The following COL21A1 variants were observed in gnomAD, a reference collection of about 807,000 sequenced individuals.
The protein encoded by COL21A1 is collagen alpha-1(XXI) chain.
Under a neutral mutation model 137.9 loss-of-function variants are expected in COL21A1, and 149 were observed. That is an observed-to-expected ratio of 1.08 (90% CI 0.95 to 1.24). COL21A1 has a LOEUF of 1.24. COL21A1 is among the 50% of genes most tolerant of loss of function. The pLI, the probability that COL21A1 is intolerant of heterozygous loss-of-function variation, is 0.00. For missense variants in COL21A1, 1,167 were observed against 1,158.4 expected, an observed-to-expected ratio of 1.01 and a Z score of -0.11; for synonymous variants, 456 against 391.5, an observed-to-expected ratio of 1.16 and a Z score of -1.95.
intron 1 of COL21A1, among the ~76,000 whole-genome samples, chr6:56,378,718 G>A (rs896886781): frequency 1.3e-5 from 2 of 152,180 alleles, no homozygotes; most frequent in African/African-American, 4.8e-5. Flanking sequence ...GAGCCCCAGG[G>A]CCTTAAGCGA....
rs142803745 is a variant in COL21A1 at position 56,109,268 on chromosome 6, A to G, written c.1759-7743T>C. ...ATTACAATGTTGGATCTTTGAAAAA[A>G]TCCAACACAGGAGGGAAACCAGAAA... On this transcript the variant is annotated intron_variant, in intron 16 of 29. Transcript: ENST00000244728. Among the ~76,000 whole-genome samples the G allele has an allele frequency of 6.2e-3, 944 of 151,950 alleles. 6 individuals are homozygous for G. Among genetic ancestry groups the G allele is most frequent in the Admixed American group, 0.012 (179 of 15,284 alleles).
At chr6:56,181,323 T>A (rs1369140342) in intron 2 of COL21A1, among the ~76,000 whole-genome samples, 5 of 152,164 alleles carry the variant, frequency 3.3e-5, no homozygotes, top group African/African-American at 1.2e-4. Flanking sequence ...AATGCAATTT[T>A]TCTGTTATTT....
chr6:56,220,638 CGA>C (rs1433857400), intron 1 of COL21A1, among the ~76,000 whole-genome samples: 5 of 151,994 alleles, frequency 3.3e-5, no homozygotes, highest in African/African-American at 1.2e-4. Context: ...TGAACTTATC[CGA>C]GAAGAGGAAA....
intron 1 of COL21A1, among the ~76,000 whole-genome samples, chr6:56,353,616 T>C (rs1765766056): frequency 6.6e-6 from 1 of 152,236 alleles, no homozygotes; most frequent in Non-Finnish European, 1.5e-5. Context: ...GAGTGGTTTA[T>C]TATGAATCAA....
intron 1 of COL21A1, among the ~76,000 whole-genome samples, chr6:56,288,256 A>G (rs1277585629): frequency 2.1e-4 from 8 of 38,800 alleles, no homozygotes; most frequent in Non-Finnish European, 4.2e-4. Flanking sequence ...AAATAAAAGA[A>G]AAAAAAAAGG....
rs191505413 is a variant in COL21A1 at position 56,270,710 on chromosome 6, A to C, written c.-38-88054T>G. 2.6e-4 allele frequency among the ~76,000 whole-genome samples: 39 copies of C among 152,256 alleles called. No individual in the cohort carries two copies. In the East Asian group the frequency reaches 5.0e-3, roughly 20 times the overall value. On this transcript the variant is annotated intron_variant, in intron 1 of 28. Transcript: ENST00000370819. ...ACATCTGGTAGGAGGTGACTGAAAC[A>C]TAGGGGTGGTTTCTCCAATGCTGTT...
chr6:56,124,313 TA>T, intron 14 of COL21A1, 21 bp from the exon 15 acceptor site: 1 of 1,583,778 alleles, frequency 6.3e-7, no homozygotes, highest in South Asian at 1.2e-5. Context: ...AACAAACACT[TA>T]AAACACAATC....
At chr6:56,137,672 C>T (rs577726350) in intron 12 of COL21A1, among the ~76,000 whole-genome samples, 1 of 152,022 alleles carries the variant, frequency 6.6e-6, no homozygotes. Flanking sequence ...TTAGAACCAA[C>T]AAAATATAAA....
chr6:56,278,996 T>G (rs1763733788), intron 1 of COL21A1, among the ~76,000 whole-genome samples: 1 of 152,226 alleles, frequency 6.6e-6, no homozygotes, highest in African/African-American at 2.4e-5. Context: ...TTTGGATCTG[T>G]GTCCCCACCC....
At chr6:56,192,435 T>G (rs1422163396) in intron 1 of COL21A1, among the ~76,000 whole-genome samples, 5 of 151,332 alleles carry the variant, frequency 3.3e-5, no homozygotes, top group African/African-American at 4.8e-5. Flanking sequence ...TATCCATCTA[T>G]CCAACTGACA....
At chr6:56,095,066 T>G (rs567258400) in intron 17 of COL21A1, among the ~76,000 whole-genome samples, 1 of 152,324 alleles carries the variant, frequency 6.6e-6, no homozygotes, top group Non-Finnish European at 1.5e-5. Flanking sequence ...CAGAAATTCA[T>G]CTAAAATTTC....
intron 1 of COL21A1, among the ~76,000 whole-genome samples, chr6:56,342,814 T>C (rs1000688949): frequency 3.3e-5 from 5 of 152,198 alleles, no homozygotes; most frequent in African/African-American, 4.8e-5. Flanking sequence ...TCTTCTTTCT[T>C]CCATGCTCAT....
intron 14 of COL21A1, among the ~76,000 whole-genome samples, chr6:56,125,162 A>T (rs981018027): frequency 1.3e-5 from 2 of 151,476 alleles, no homozygotes; most frequent in African/African-American, 4.9e-5. Flanking sequence ...CTGGGACTAC[A>T]GGCTCACACC....
At position 56,061,662 on chromosome 6, in the gene COL21A1, C is replaced by T. The variant is rs1447839343; in HGVS notation, c.2192G>A (p.Gly731Asp). The T allele has an allele frequency of 3.1e-6, 5 of 1,587,446 alleles. No individual in the cohort carries two copies. Among genetic ancestry groups the T allele is most frequent in the African/African-American group, 1.3e-5 (1 of 74,212 alleles). Residue 731 changes from glycine to aspartate, a missense_variant, in exon 25 of 30, where the codon GGT becomes GAT. Coordinates refer to ENST00000244728, the MANE Select transcript of COL21A1 (RefSeq NM_030820.4). ...GAAGAAACATACCTCTCCTTTTGCACCATGATGGCCTTGAATTCCCTTTGA... is the reference window on the plus strand; with the variant it reads ...GAAGAAACATACCTCTCCTTTTGCATCATGATGGCCTTGAATTCCCTTTGA... ...PGQQGIQGHH[G>D]AKGERGEKGE... is the part of the protein sequence containing the mutation.
intron 9 of COL21A1, among the ~76,000 whole-genome samples, chr6:56,158,540 G>A (rs900772512): frequency 6.6e-6 from 1 of 151,716 alleles, no homozygotes; most frequent in East Asian, 1.9e-4. Flanking sequence ...CCAAAGTGGT[G>A]GTATTACAGT....
chr6:56,113,561 G>A (rs909979568), intron 16 of COL21A1, among the ~76,000 whole-genome samples: 7 of 152,164 alleles, frequency 4.6e-5, no homozygotes, highest in African/African-American at 9.7e-5. Flanking sequence ...AACTAGCAGC[G>A]ATACCTACGT....
At chr6:56,279,226 C>T (rs541482710) in intron 1 of COL21A1, among the ~76,000 whole-genome samples, 1 of 152,314 alleles carries the variant, frequency 6.6e-6, no homozygotes, top group East Asian at 1.9e-4. Flanking sequence ...CACCTTGCTC[C>T]CCCTTTGTCT....
intron 24 of COL21A1, 24 bp downstream of exon 24, chr6:56,064,554 T>TA (rs1177911000): frequency 6.5e-7 from 1 of 1,534,816 alleles, no homozygotes; most frequent in Non-Finnish European, 8.9e-7. Context: ...TTTCATTTTT[T>TA]ATCAGAAGAA....
chr6:56,098,588 TATATAAATATATATATAA>T lies in COL21A1; in HGVS notation c.1812+2866_1812+2883del, dbSNP rs1562193367. The stretch of plus-strand genomic sequence containing the variant: ...ATAAATATATATAAATATATATAAA[TATATAAATATATATATAA>T]ATATATATAAATATATATAAATATA... On this transcript the variant is annotated intron_variant, in intron 17 of 29. Transcript: ENST00000244728. 3.7e-3 allele frequency among the ~76,000 whole-genome samples: 146 copies of T among 39,354 alleles called. 18 individuals carry two copies. Among genetic ancestry groups the T allele is most frequent in the Middle Eastern group, 0.017 (1 of 60 alleles). 25.8% of individuals were successfully genotyped at this position (39,354 alleles called of 152,430 possible).
Sources: allele counts gnomAD v4.1 joint callset (sites outside exome capture counted in the v4.1 genomes callset), GRCh38; gene constraint gnomAD v4.1.1; transcripts MANE v1.5; gene names NCBI Gene and HGNC (gene_info 2026-07-23, HGNC 2026-07-21).